Variants in MYL4 observed in about 807,000 individuals in gnomAD.
MYL4 encodes the protein atrial myosin light chain 1.
MYL4 carries 16 observed loss-of-function variants against 21.6 expected under a neutral mutation model. The observed-to-expected ratio is 0.74, with a 90% confidence interval of 0.50 to 1.12. The LOEUF is 1.12. MYL4 is among the 50% of genes most tolerant of loss of function. MYL4 has a pLI of 0.00. For synonymous variants in MYL4, 82 were observed against 95.7 expected, an observed-to-expected ratio of 0.86 and a Z score of 0.83; for missense variants, 249 against 252.9, an observed-to-expected ratio of 0.98 and a Z score of 0.11.
chr17:47,204,290 C>T (rs1462463350), upstream of MYL4, among the ~76,000 whole-genome samples: 1 of 152,212 alleles, frequency 6.6e-6, no homozygotes, highest in East Asian at 1.9e-4. Flanking sequence ...TTCTACCACA[C>T]ACACCAATTC....
chr17:47,191,990 C>T, the MYL4 span, among the ~76,000 whole-genome samples: 1 of 152,218 alleles, frequency 6.6e-6, no homozygotes, highest in Non-Finnish European at 1.5e-5. Context: ...TAAAGAGCCT[C>T]TGATGCTTGG....
Position 47,221,809 on chromosome 17 carries a change from T to C in MYL4, c.441T>C (p.Asn147=), listed in dbSNP as rs1567749945. The stretch of plus-strand genomic sequence containing the variant: ...TGCGTGTCTTTGACAAGGAGAGCAA[T>C]GGCACGGTCATGGGTGCTGAGCTTC... ...EGLRVFDKES[N]GTVMGAELRH... is the part of the protein sequence containing the mutation. Residue 147 remains asparagine, a synonymous_variant, in exon 4 of 7, where the codon AAT becomes AAC. Coordinates refer to ENST00000393450, the MANE Select transcript of MYL4 (RefSeq NM_002476.2). 6.2e-7 allele frequency: 1 copy of C among 1,613,964 alleles called. No individual in the cohort carries two copies. Among genetic ancestry groups the C allele is most frequent in the Non-Finnish European group, 8.5e-7 (1 of 1,179,966 alleles).
chr17:47,199,737 CTT>C (rs33975035), upstream of MYL4, among the ~76,000 whole-genome samples: 1,052 of 101,198 alleles, frequency 0.01, 7 homozygotes, highest in African/African-American at 0.037. Flanking sequence ...GTAGTAAAGT[CTT>C]TTTTTTTTTT....
intron 2 of MYL4, among the ~76,000 whole-genome samples, chr17:47,216,540 T>A (rs1017627283): frequency 6.6e-6 from 1 of 152,126 alleles, no homozygotes; most frequent in Non-Finnish European, 1.5e-5. Context: ...ATAGCATATA[T>A]TTTTTCATAA....
At chr17:47,209,762 T>C in intron 1 of MYL4, 3 of 719,152 alleles carry the variant, frequency 4.2e-6, no homozygotes, top group Non-Finnish European at 4.6e-6. Context: ...CCGTCAAGAA[T>C]GAGGTGCTGC....
At chr17:47,217,996 G>A (rs1403612701) in intron 2 of MYL4, among the ~76,000 whole-genome samples, 7 of 149,004 alleles carry the variant, frequency 4.7e-5, no homozygotes, top group Admixed American at 1.3e-4. Context: ...AGCCGAAATC[G>A]CGACATTGCA....
upstream of MYL4, among the ~76,000 whole-genome samples, chr17:47,198,761 C>A (rs952169153): frequency 6.6e-6 from 1 of 151,974 alleles, no homozygotes; most frequent in African/African-American, 2.4e-5. Flanking sequence ...TCAGGAGGAT[C>A]ACTCGAGGCC....
rs569860080 is a variant in MYL4 at position 47,203,959 on chromosome 17, G to A, written c.-35+3373G>A. Among the ~76,000 whole-genome samples, 42 of 152,348 alleles carry A rather than the reference G, an allele frequency of 2.8e-4. 2 individuals carry two copies. In the South Asian group the frequency reaches 7.2e-3, roughly 26 times the overall value. On this transcript the variant is annotated intron_variant and NMD_transcript_variant, in intron 1 of 6. Coordinates refer to the MYL4 transcript ENST00000571981. ...CTTAGGAGTACAGGCATGAGCCACC[G>A]TGTCTGTGGCCAAAACACTTCTTAG...
At chr17:47,215,244 A>G (rs913169853) in intron 2 of MYL4, among the ~76,000 whole-genome samples, 1 of 152,244 alleles carries the variant, frequency 6.6e-6, no homozygotes, top group Non-Finnish European at 1.5e-5. Flanking sequence ...TTACGTGGAT[A>G]TAGAAACACA....
upstream of MYL4, among the ~76,000 whole-genome samples, chr17:47,206,502 A>G (rs535993843): frequency 6.6e-6 from 1 of 152,290 alleles, no homozygotes; most frequent in South Asian, 2.1e-4. Flanking sequence ...ATTATTTAAA[A>G]AAATTTTAAG....
upstream of MYL4, among the ~76,000 whole-genome samples, chr17:47,199,913 T>G (rs185555722): frequency 6.0e-4 from 83 of 137,254 alleles, no homozygotes; most frequent in African/African-American, 1.5e-3. Flanking sequence ...TTTTTGTGGG[T>G]TTTTTTTTGT....
At chr17:47,225,752 T>C (rs1280203242), downstream of MYL4, among the ~76,000 whole-genome samples, 1 of 152,144 alleles carries the variant, frequency 6.6e-6, no homozygotes, top group Non-Finnish European at 1.5e-5. Context: ...GACTGCTCTT[T>C]TTGGCCTCAC....
At chr17:47,204,768 C>T (rs1290356753), upstream of MYL4, among the ~76,000 whole-genome samples, 1 of 151,906 alleles carries the variant, frequency 6.6e-6, no homozygotes, top group African/African-American at 2.4e-5. Context: ...TAAGCCAGGA[C>T]TCTAAACCAG....
downstream of MYL4, among the ~76,000 whole-genome samples, chr17:47,227,401 A>G (rs1477760535): frequency 6.6e-6 from 1 of 152,196 alleles, no homozygotes; most frequent in Non-Finnish European, 1.5e-5. Context: ...GACTTCCACT[A>G]TTTCGAACCC....
downstream of MYL4, among the ~76,000 whole-genome samples, chr17:47,225,855 CTTT>C (rs60342000): frequency 2.9e-4 from 33 of 113,270 alleles, no homozygotes; most frequent in East Asian, 2.4e-3. Flanking sequence ...TCCTTCCCTT[CTTT>C]TTTTTTTTTT....
At position 47,213,917 on chromosome 17, in the gene MYL4, A is replaced by G. The variant is rs776969664; in HGVS notation, c.163+91A>G. On this transcript the variant is annotated intron_variant, in intron 2 of 6. Coordinates refer to ENST00000393450, the MANE Select transcript of MYL4 (RefSeq NM_002476.2). The stretch of plus-strand genomic sequence containing the variant: ...AAGAAGAGGAGGAGTAGTTGTCCTC[A>G]TGGTAATAGTAATCACTGTCATCAT... 12 of 1,397,620 alleles carry G rather than the reference A, an allele frequency of 8.6e-6. No homozygotes were observed. The Admixed American group carries it at 1.3e-4, about 16-fold the overall frequency. The allele number at this position is 1,397,620 out of a possible 1,614,324, so 86.6% of individuals were successfully genotyped here.
At position 47,223,068 on chromosome 17, in the gene MYL4, C is replaced by G. The variant is rs749742732; in HGVS notation, c.*15+11C>G. On this transcript the variant is annotated intron_variant, in intron 6 of 6. Transcript: ENST00000393450. ...AGCAGAGTCTTCCAGGTGAGTGCAG[C>G]CTCTCCCTCCTGGTCCCTTCCGGGG... 6.2e-7 allele frequency: 1 copy of G among 1,613,960 alleles called. No individual in the cohort carries two copies. Among genetic ancestry groups the G allele is most frequent in the South Asian group, 1.1e-5 (1 of 91,068 alleles).
chr17:47,213,308 T>C (rs994045098), intron 1 of MYL4, among the ~76,000 whole-genome samples: 3 of 152,176 alleles, frequency 2.0e-5, no homozygotes, highest in African/African-American at 7.2e-5. Flanking sequence ...GCATTACAGT[T>C]GTCCCTCGTT....
the MYL4 span, among the ~76,000 whole-genome samples, chr17:47,191,749 G>T: frequency 6.6e-6 from 1 of 152,160 alleles, no homozygotes; most frequent in Non-Finnish European, 1.5e-5. Flanking sequence ...GATTACAGGT[G>T]TGAGCCACTG....
Sources: gnomAD v4.1 joint callset for allele counts (sites outside exome capture counted in the v4.1 genomes callset) on GRCh38, gnomAD v4.1.1 for gene constraint, MANE v1.5 for transcripts, NCBI Gene and HGNC (gene_info 2026-07-23, HGNC 2026-07-21) for gene names.